The following INVS variants were observed in gnomAD, a reference collection of about 807,000 sequenced individuals.
INVS encodes inversin.
In INVS, 86 loss-of-function variants were observed where a neutral mutation model predicts 108.8. The observed-to-expected ratio is 0.79, with a 90% CI of 0.66 to 0.95. INVS has a LOEUF of 0.95. Ranked by LOEUF, INVS falls within the 40% of genes least tolerant of loss-of-function variation. INVS has a pLI of 0.00. For missense variants in INVS, 1,169 were observed against 1,297.4 expected (o/e 0.90, Z 1.52); for synonymous variants, 455 against 473.5 (o/e 0.96, Z 0.51).
chr9:100,122,691 C>T (rs144865960), intron 2 of INVS, among the ~76,000 whole-genome samples: 1,702 of 139,532 alleles, frequency 0.012, 14 homozygotes, highest in Non-Finnish European at 0.016. Flanking sequence ...TCACGCCATT[C>T]TCCTGCCTCA....
At chr9:100,203,242 AATTTTGTTTTCCT>A (rs2118244885) in intron 3 of INVS, among the ~76,000 whole-genome samples, 1 of 152,162 alleles carries the variant, frequency 6.6e-6, no homozygotes, top group South Asian at 2.1e-4. Flanking sequence ...CATACCCTGT[AATTTTGTTTTCCT>A]GCCCCATTTA....
At chr9:100,197,032 A>G (rs1049633750) in intron 3 of INVS, among the ~76,000 whole-genome samples, 2 of 152,210 alleles carry the variant, frequency 1.3e-5, no homozygotes, top group South Asian at 2.1e-4. Context: ...TTCTAACACT[A>G]TCTACCCAGA....
chr9:100,163,380 C>A (rs1564139807), intron 3 of INVS, among the ~76,000 whole-genome samples: 1 of 151,838 alleles, frequency 6.6e-6, no homozygotes, highest in African/African-American at 2.4e-5. Flanking sequence ...ATTTAAAAAG[C>A]AATGATCTGA....
Position 100,229,669 on chromosome 9 carries a change from C to G in INVS, c.457C>G (p.Leu153Val). ...DTQDKNKQTA[L>V]HWSAYYNNPE... ...CCTCTCGATTTTGCAGCAAACAGCT[C>G]TGCATTGGAGTGCCTACTACAATAA... Residue 153 changes from leucine (L) to valine (V), a missense_variant, in exon 5 of 17, where the codon CTG (leucine) becomes GTG (valine). Coordinates refer to ENST00000262457, the MANE Select transcript of INVS (RefSeq NM_014425.5). The G allele has an allele frequency of 6.2e-7, 1 of 1,613,928 alleles. No individual in the cohort carries two copies. The highest frequency in any genetic ancestry group is 8.5e-7 in the Non-Finnish European group (1 of 1,179,858).
chr9:100,255,076 G>C (rs1000841263), intron 10 of INVS, among the ~76,000 whole-genome samples: 7 of 151,122 alleles, frequency 4.6e-5, no homozygotes, highest in Non-Finnish European at 1.0e-4. Flanking sequence ...ATTTGTTTGT[G>C]TCCTCTTTTA....
intron 3 of INVS, among the ~76,000 whole-genome samples, chr9:100,142,887 T>C (rs1026342391): frequency 6.6e-5 from 10 of 152,164 alleles, no homozygotes; most frequent in African/African-American, 2.2e-4. Context: ...TTACTAACCA[T>C]GCCTAGGAAG....
chr9:100,194,656 T>C (rs1009065378), intron 3 of INVS, among the ~76,000 whole-genome samples: 1 of 152,212 alleles, frequency 6.6e-6, no homozygotes, highest in Non-Finnish European at 1.5e-5. Flanking sequence ...TTTCTGATCT[T>C]AGGAAGAAAG....
At chr9:100,187,761 A>G (rs1197906796) in intron 3 of INVS, among the ~76,000 whole-genome samples, 1 of 152,062 alleles carries the variant, frequency 6.6e-6, no homozygotes, top group Non-Finnish European at 1.5e-5. Flanking sequence ...TCCTAAGCTC[A>G]GGTGATGCAC....
At chr9:100,295,776 T>A (rs923320050) in intron 14 of INVS, among the ~76,000 whole-genome samples, 8 of 152,246 alleles carry the variant, frequency 5.3e-5, no homozygotes, top group Non-Finnish European at 1.2e-4. Flanking sequence ...CTGGGCCCAC[T>A]GAGGGCTGAC....
intron 3 of INVS, among the ~76,000 whole-genome samples, chr9:100,219,623 T>A (rs1043450241): frequency 6.6e-6 from 1 of 152,174 alleles, no homozygotes; most frequent in African/African-American, 2.4e-5. Context: ...TCTTATGTAC[T>A]TACCAGGAGA....
intron 3 of INVS, among the ~76,000 whole-genome samples, chr9:100,219,141 A>G (rs1162774463): frequency 2.0e-5 from 3 of 152,204 alleles, no homozygotes; most frequent in Non-Finnish European, 4.4e-5. Flanking sequence ...TGCAAAACCA[A>G]CCAAGAATTA....
intron 3 of INVS, among the ~76,000 whole-genome samples, chr9:100,170,397 A>C (rs988907439): frequency 5.2e-4 from 9 of 17,322 alleles, no homozygotes; most frequent in African/African-American, 1.3e-3. Flanking sequence ...TCTGTACAAA[A>C]AAAAAAAAAA....
intron 8 of INVS, among the ~76,000 whole-genome samples, chr9:100,248,607 T>C (rs901814107): frequency 1.3e-5 from 2 of 152,188 alleles, no homozygotes; most frequent in Admixed American, 6.5e-5. Flanking sequence ...TATTGAACAT[T>C]ATAGAATTTC....
intron 3 of INVS, among the ~76,000 whole-genome samples, chr9:100,215,796 G>A (rs1268409265): frequency 1.3e-5 from 2 of 152,206 alleles, no homozygotes; most frequent in Non-Finnish European, 2.9e-5. Context: ...CCCAAGAGGA[G>A]GTGACAGAGG....
At chr9:100,203,738 G>A (rs1001050424) in intron 3 of INVS, among the ~76,000 whole-genome samples, 3 of 151,830 alleles carry the variant, frequency 2.0e-5, no homozygotes, top group Non-Finnish European at 4.4e-5. Flanking sequence ...CCTGACCTCA[G>A]GTGATCCGCC....
intron 1 of INVS, among the ~76,000 whole-genome samples, chr9:100,100,905 A>ATATATAT (rs1240541179): frequency 4.8e-5 from 2 of 41,294 alleles, no homozygotes; most frequent in African/African-American, 3.4e-4. Context: ...TTATATATGT[A>ATATATAT]TATATATTAT....
intron 8 of INVS, among the ~76,000 whole-genome samples, chr9:100,249,355 G>A (rs1439450379): frequency 1.3e-5 from 2 of 152,046 alleles, no homozygotes. Context: ...ATTCTGTGGT[G>A]TGGCATCAAG....
intron 3 of INVS, among the ~76,000 whole-genome samples, chr9:100,197,336 G>T (rs1229374479): frequency 6.6e-6 from 1 of 152,198 alleles, no homozygotes; most frequent in African/African-American, 2.4e-5. Flanking sequence ...ACTTTGGGAG[G>T]TTGAGGCGAG....
At chr9:100,257,590 T>C (rs1205293103) in intron 10 of INVS, among the ~76,000 whole-genome samples, 1 of 152,236 alleles carries the variant, frequency 6.6e-6, no homozygotes, top group African/African-American at 2.4e-5. Context: ...GGAACTCTTG[T>C]CAGGCAGGCC....
Sources: gnomAD v4.1 joint callset for allele counts (sites outside exome capture counted in the v4.1 genomes callset) on GRCh38, gnomAD v4.1.1 for gene constraint, MANE v1.5 for transcripts, NCBI Gene and HGNC (gene_info 2026-07-23, HGNC 2026-07-21) for gene names.